The following ZNF91 variants were observed in gnomAD, a reference collection of about 807,000 sequenced individuals.
The protein encoded by ZNF91 is zinc finger protein 91 (HPF7, HTF10).
A neutral mutation model predicts 12.6 loss-of-function variants in ZNF91; 7 were observed. The ratio of observed to expected loss-of-function variants is 0.55; its 90% CI spans 0.31 to 1.04. ZNF91 has a LOEUF of 1.04. ZNF91 is among the 50% of genes least tolerant of loss of function. The pLI is 0.05. For synonymous variants in ZNF91, 453 were observed against 462.6 expected (o/e 0.98, Z 0.27); for missense variants, 1,217 against 1,385.4 (o/e 0.88, Z 1.93).
chr19:23,393,466 G>A (rs1970135718), intron 1 of ZNF91, among the ~76,000 whole-genome samples: 1 of 151,920 alleles, frequency 6.6e-6, no homozygotes, highest in Non-Finnish European at 1.5e-5. Flanking sequence ...CTGAAATCTA[G>A]GTCCAAGAAA....
In ZNF91 at chr19:23,357,872, T is replaced by A. The variant is rs1281484147; in HGVS notation, c.*1531A>T. On this transcript the variant is annotated 3_prime_UTR_variant, in exon 4 of 4. Transcript: ENST00000300619. ...GACCGCATTTAGTCTAATGCGATTG[T>A]TATATATTGTGTGTCCGTATCAAAA... is the stretch of plus-strand genomic sequence containing the variant. The A allele has an allele frequency of 6.6e-6, 1 of 152,194 alleles. No homozygotes were observed. Among genetic ancestry groups the A allele is most frequent in the Non-Finnish European group, 1.5e-5 (1 of 68,018 alleles). The allele number at this position is 152,194 out of a possible 1,614,324, so 9.4% of individuals were successfully genotyped here. A position where few individuals can be genotyped will look rare whatever the true frequency, so the allele number is the denominator to read the frequency against.
chr19:23,386,595 C>T (rs1969881522), intron 1 of ZNF91, among the ~76,000 whole-genome samples: 1 of 152,262 alleles, frequency 6.6e-6, no homozygotes, highest in Non-Finnish European at 1.5e-5. Flanking sequence ...GAATAACCAG[C>T]TAGCACTATG....
In ZNF91 at chr19:23,368,556, C is replaced by CTATA. The variant is rs1380653223; in HGVS notation, c.253+5185_253+5186insTATA. On this transcript the variant is annotated intron_variant, in intron 3 of 3. Coordinates refer to ENST00000300619, the MANE Select transcript of ZNF91 (RefSeq NM_003430.4). ...TCTCTCTCTCTCTCTCTCTCTCTCTCTCTCTCTATATATATATGAAACACA... is the reference window on the plus strand; with the variant it reads ...TCTCTCTCTCTCTCTCTCTCTCTCTCTATATCTCTCTATATATATATGAAACACA... 2.6e-3 allele frequency among the ~76,000 whole-genome samples: 310 copies of CTATA among 117,728 alleles called. 1 individual carries two copies. The highest frequency in any genetic ancestry group is 9.2e-3 in the African/African-American group (265 of 28,852). 77.2% of individuals were successfully genotyped at this position (117,728 alleles called of 152,430 possible).
At chr19:23,392,522 G>A (rs1389955630) in intron 1 of ZNF91, among the ~76,000 whole-genome samples, 12 of 152,010 alleles carry the variant, frequency 7.9e-5, no homozygotes, top group African/African-American at 2.7e-4. Context: ...AACCAGGCAC[G>A]ACAGCTCACA....
intron 1 of ZNF91, among the ~76,000 whole-genome samples, chr19:23,382,123 G>A (rs1969740008): frequency 1.3e-5 from 2 of 151,338 alleles, no homozygotes; most frequent in Non-Finnish European, 2.9e-5. Flanking sequence ...CAAAAAAAGG[G>A]AGATAAAATA....
chr19:23,391,001 G>A (rs1281763299), intron 1 of ZNF91, among the ~76,000 whole-genome samples: 2 of 152,212 alleles, frequency 1.3e-5, no homozygotes, highest in African/African-American at 2.4e-5. Context: ...AGAATAATTT[G>A]TATTTCTTTG....
chr19:23,354,919 C>T (rs1054527003), downstream of ZNF91, among the ~76,000 whole-genome samples: 1 of 152,098 alleles, frequency 6.6e-6, no homozygotes, highest in African/African-American at 2.4e-5. Flanking sequence ...GTCGAAAGAC[C>T]TGTACAAGGA....
Position 23,362,606 on chromosome 19 carries a change from C to A in ZNF91, c.373G>T (p.Gly125Cys), listed in dbSNP as rs1968855871. The change falls in exon 4 of 4, where the codon GGT becomes TGT. Residue 125 changes from glycine to cysteine, a missense_variant. Physicochemically the swap from Gly to Cys is radical, Grantham distance 159. This residue lies in a region of ZNF91 where 726 missense variants were observed against 895.5 expected (regional missense o/e 0.81). Transcript: ENST00000300619. Reference protein sequence around the residue: ...CGHENLQLRKGCKSVDECKVH... With the variant: ...CGHENLQLRKCCKSVDECKVH... ...TTACACTCATCCACACTTTTACAACCTTTTCTTAACTGTAAATTCTCATGT... is the reference window on the plus strand; with the variant it reads ...TTACACTCATCCACACTTTTACAACATTTTCTTAACTGTAAATTCTCATGT... 1.9e-6 allele frequency: 3 copies of A among 1,590,476 alleles called. No individual in the cohort carries two copies. Among genetic ancestry groups the A allele is most frequent in the Non-Finnish European group, 8.5e-7 (1 of 1,172,810 alleles).
chr19:23,379,524 G>A (rs1049856139), intron 1 of ZNF91, among the ~76,000 whole-genome samples: 16 of 152,146 alleles, frequency 1.1e-4, no homozygotes, highest in African/African-American at 3.4e-4. Context: ...GACGGTTACC[G>A]TAATTAGTTC....
intron 1 of ZNF91, among the ~76,000 whole-genome samples, chr19:23,375,566 T>C (rs1969476662): frequency 6.6e-6 from 1 of 152,182 alleles, no homozygotes; most frequent in South Asian, 2.1e-4. Context: ...TTCTAAAAAG[T>C]TCACTAGTAA....
At chr19:23,310,830 CAT>C (rs1364429235), upstream of ZNF91, among the ~76,000 whole-genome samples, 2 of 152,218 alleles carry the variant, frequency 1.3e-5, no homozygotes, top group African/African-American at 4.8e-5. Flanking sequence ...AGCATTGTGA[CAT>C]ATCGCTGGAC....
intron 3 of ZNF91, among the ~76,000 whole-genome samples, chr19:23,347,459 A>C (rs1353041452): frequency 6.6e-6 from 1 of 152,112 alleles, no homozygotes; most frequent in African/African-American, 2.4e-5. Flanking sequence ...AAGCCAAACA[A>C]GTAGCCCTAC....
chr19:23,334,465 C>A (rs1404795085), downstream of ZNF91, among the ~76,000 whole-genome samples: 1 of 151,936 alleles, frequency 6.6e-6, no homozygotes, highest in African/African-American at 2.4e-5. Flanking sequence ...TAATTTGGTA[C>A]CCTTTTTGAT....
At chr19:23,371,540 A>G (rs1204805967) in intron 3 of ZNF91, among the ~76,000 whole-genome samples, 2 of 152,220 alleles carry the variant, frequency 1.3e-5, no homozygotes, top group African/African-American at 4.8e-5. Flanking sequence ...ATTGTCTAAA[A>G]TTATAATACA....
downstream of ZNF91, chr19:23,338,667 AT>A (rs887523858): frequency 5.3e-5 from 8 of 152,098 alleles, no homozygotes; most frequent in African/African-American, 1.2e-4. Flanking sequence ...AGATAAAAAA[AT>A]AAGACAAGAA....
At chr19:23,325,175 G>C (rs1320933578) in intron 1 of ZNF91, 2 of 151,712 alleles carry the variant, frequency 1.3e-5, no homozygotes, top group African/African-American at 2.4e-5. Context: ...AGGATGATGA[G>C]GAGACTAAAT....
chr19:23,321,269 C>A (rs759346261), intron 1 of ZNF91, among the ~76,000 whole-genome samples: 10 of 152,108 alleles, frequency 6.6e-5, no homozygotes, highest in Non-Finnish European at 1.5e-4. Flanking sequence ...TATTCTCAAG[C>A]CTTGGTGCCT....
chr19:23,392,798 C>CATAAATAAACAAATAA (rs71165803), intron 1 of ZNF91, among the ~76,000 whole-genome samples: 50,083 of 150,702 alleles, frequency 0.33, 9,367 homozygotes, highest in African/African-American at 0.53. Context: ...GATTTCGACT[C>CATAAATAAACAAATAA]ATAAATAAGA....
At chr19:23,319,104 C>T (rs1967630346) in intron 1 of ZNF91, among the ~76,000 whole-genome samples, 1 of 152,204 alleles carries the variant, frequency 6.6e-6, no homozygotes, top group South Asian at 2.1e-4. Context: ...TTCTTGGGCC[C>T]TTCACTCAGT....
Sources: gnomAD v4.1 joint callset for allele counts (sites outside exome capture counted in the v4.1 genomes callset) on GRCh38, gnomAD v4.1.1 for gene constraint, gnomAD v4.1.1 regional missense constraint, MANE v1.5 for transcripts, NCBI Gene and HGNC (gene_info 2026-07-23, HGNC 2026-07-21) for gene names.